Variants in TOP2B observed in about 807,000 individuals in gnomAD.
The protein encoded by TOP2B is DNA topoisomerase II beta.
A neutral mutation model predicts 193.5 loss-of-function variants in TOP2B; 51 were observed. That is an observed-to-expected ratio of 0.26 (90% CI 0.21 to 0.33). The LOEUF is 0.33. Among genes scored for constraint, TOP2B ranks in the 10% least tolerant of loss-of-function variants. The pLI, the probability that TOP2B is intolerant of heterozygous loss-of-function variation, is 1.00. For synonymous variants in TOP2B, 634 were observed against 635.7 expected (o/e 1.00, Z 0.04); for missense variants, 1,378 against 1,909.3 (o/e 0.72, Z 5.19).
intron 1 of TOP2B, among the ~76,000 whole-genome samples, chr3:25,661,360 C>T (rs1334686088): frequency 6.6e-6 from 1 of 152,108 alleles, no homozygotes; most frequent in Non-Finnish European, 1.5e-5. Context: ...ACTCTGGTTA[C>T]CACTTTTTGA....
In TOP2B at chr3:25,638,157, G is replaced by GA. The variant is rs770022279; in HGVS notation, c.541+7dup. 33 of 1,561,088 alleles carry GA rather than the reference G, an allele frequency of 2.1e-5. No individual in the cohort carries two copies. Among genetic ancestry groups the GA allele is most frequent in the Middle Eastern group, 3.3e-4 (2 of 6,008 alleles). On this transcript the variant is annotated splice_region_variant and intron_variant, in intron 5 of 35. Coordinates refer to ENST00000264331, the MANE Select transcript of TOP2B (RefSeq NM_001330700.2). ...TATTTTTCAACCAAAATTCCATTCAGACTTTACCTGTAACTTTTTTCTCAT... is the reference window on the plus strand; with the variant it reads ...TATTTTTCAACCAAAATTCCATTCAGAACTTTACCTGTAACTTTTTTCTCAT...
In TOP2B at chr3:25,598,250, G is replaced by T; in HGVS notation, c.*57C>A. The T allele has an allele frequency of 6.6e-7, 1 of 1,511,126 alleles. No individual in the cohort carries two copies. The highest frequency in any genetic ancestry group is 1.3e-5 in the South Asian group (1 of 75,798). The allele number at this position is 1,511,126 out of a possible 1,614,324, so 93.6% of individuals were successfully genotyped here. ...CAGATGTACAAAAGTCTGAGACAGAGAAGACAAAAGGACAACACAAGATAT... is the reference window on the plus strand; with the variant it reads ...CAGATGTACAAAAGTCTGAGACAGATAAGACAAAAGGACAACACAAGATAT... On this transcript the variant is annotated 3_prime_UTR_variant, in exon 36 of 36. Transcript: ENST00000264331.
intron 23 of TOP2B, 92 bp from the exon 24 acceptor site, chr3:25,618,941 A>ATATAACCATAATT: frequency 2.1e-6 from 2 of 972,506 alleles, no homozygotes; most frequent in Non-Finnish European, 2.9e-6. Flanking sequence ...TAACCATAAT[A>ATATAACCATAATT]TATAACCATA....
At chr3:25,637,132 T>C (rs1703126574) in intron 6 of TOP2B, 83 bp downstream of exon 6, 7 of 1,059,190 alleles carry the variant, frequency 6.6e-6, no homozygotes, top group South Asian at 2.9e-5. Context: ...CAGGCATCAC[T>C]GCAATTTACC....
chr3:25,618,257 T>C (rs1702563740), intron 25 of TOP2B, 161 bp downstream of exon 25: 1 of 603,564 alleles, frequency 1.7e-6, no homozygotes, highest in Non-Finnish European at 2.9e-6. Flanking sequence ...TAAATTCCTG[T>C]ACTTTATCTG....
chr3:25,642,379 G>C lies in TOP2B; in HGVS notation c.338C>G (p.Ala113Gly). 6.5e-7 allele frequency: 1 copy of C among 1,543,908 alleles called. No homozygotes were observed. Among genetic ancestry groups the C allele is most frequent in the South Asian group, 1.2e-5 (1 of 83,202 alleles). The change falls in exon 4 of 36, where the codon GCT (alanine) becomes GGT (glycine). Residue 113 changes from alanine to glycine, a missense_variant. Around this residue, in one of 9 missense-constraint regions of TOP2B, gnomAD observed 35 missense variants for 85.8 expected, o/e 0.41. Transcript: ENST00000264331. ...YKIFDEILVN[A>G]ADNKQRDKNM... ...CTTATCCCTCTGTTTATTGTCAGCA[G>C]CATTAACTACAAAATTAAACACCTC...
At chr3:25,642,965 C>A (rs1035591173) in intron 3 of TOP2B, among the ~76,000 whole-genome samples, 2 of 152,108 alleles carry the variant, frequency 1.3e-5, no homozygotes, top group African/African-American at 2.4e-5. Context: ...ATGCTCCTGA[C>A]AAACACTTGC....
In TOP2B at chr3:25,642,335, C is replaced by T; in HGVS notation, c.382G>A (p.Val128Ile). Reference protein sequence around the residue: ...QRDKNMTCIKVSIDPESNIIS... With the variant: ...QRDKNMTCIKISIDPESNIIS... ...AAATATACTTACGGATCAATAGAAA[C>T]TTTAATACAAGTCATGTTCTTATCC... Residue 128 changes from valine to isoleucine, a missense_variant, in exon 4 of 36, where the codon GTT becomes ATT. Coordinates refer to ENST00000264331, the MANE Select transcript of TOP2B (RefSeq NM_001330700.2). 1 of 1,544,634 alleles carries T rather than the reference C, an allele frequency of 6.5e-7. No homozygotes were observed. Among genetic ancestry groups the T allele is most frequent in the South Asian group, 1.2e-5 (1 of 83,428 alleles).
intron 31 of TOP2B, among the ~76,000 whole-genome samples, chr3:25,606,626 G>C (rs1005109312): frequency 6.6e-6 from 1 of 152,040 alleles, no homozygotes; most frequent in African/African-American, 2.4e-5. Flanking sequence ...AATTGTAATA[G>C]GTGAGAAAAT....
intron 1 of TOP2B, among the ~76,000 whole-genome samples, chr3:25,654,659 C>G (rs1312867514): frequency 6.6e-6 from 1 of 152,080 alleles, no homozygotes; most frequent in Admixed American, 6.5e-5. Context: ...AGCTAAAGGC[C>G]TCACACCTCC....
chr3:25,602,555 G>C (rs1256110209), intron 33 of TOP2B, among the ~76,000 whole-genome samples: 3 of 150,294 alleles, frequency 2.0e-5, no homozygotes, highest in Admixed American at 6.6e-5. Context: ...GTCGCAATTT[G>C]AGACACTACA....
chr3:25,612,492 C>T, intron 28 of TOP2B, 23 bp downstream of exon 28: 1 of 1,547,290 alleles, frequency 6.5e-7, no homozygotes, highest in Non-Finnish European at 8.8e-7. Context: ...ATGAGTCTAT[C>T]AATGACAAGA....
At chr3:25,613,455 G>C (rs1251954535) in intron 27 of TOP2B, among the ~76,000 whole-genome samples, 2 of 152,172 alleles carry the variant, frequency 1.3e-5, no homozygotes, top group Non-Finnish European at 2.9e-5. Context: ...ACAGAGGCCA[G>C]TTGCAGTGGC....
Position 25,607,134 on chromosome 3 carries a change from A to G in TOP2B, c.4298+37T>C, listed in dbSNP as rs763421503. ...AATATCTTTGGCAAATGTTTACAAC[A>G]ATTAACTATACCACATCACTAAATA... is the stretch of plus-strand genomic sequence containing the variant. On this transcript the variant is annotated intron_variant, in intron 31 of 35. Coordinates refer to ENST00000264331, the MANE Select transcript of TOP2B (RefSeq NM_001330700.2). 5 of 1,602,132 alleles carry G rather than the reference A, an allele frequency of 3.1e-6. No individual in the cohort carries two copies. The East Asian group carries it at 1.1e-4, about 36-fold the overall frequency.
At chr3:25,633,792 G>GAA in intron 8 of TOP2B, 49 bp downstream of exon 8, 2 of 1,429,996 alleles carry the variant, frequency 1.4e-6, no homozygotes, top group Non-Finnish European at 1.9e-6. Context: ...AGTTTTTATT[G>GAA]AAGTACTGTT....
intron 33 of TOP2B, among the ~76,000 whole-genome samples, chr3:25,603,389 T>C (rs6786520): frequency 0.34 from 50,957 of 151,720 alleles, 9,183 homozygotes; most frequent in African/African-American, 0.47. Flanking sequence ...CAGGCATGCA[T>C]ACGCCACCAC....
At position 25,664,401 on chromosome 3, in the gene TOP2B, C is replaced by T; in HGVS notation, c.-104G>A. 5 of 1,311,956 alleles carry T rather than the reference C, an allele frequency of 3.8e-6. No homozygotes were observed. The highest frequency in any genetic ancestry group is 4.8e-6 in the Non-Finnish European group (5 of 1,038,896). 81.3% of individuals were successfully genotyped at this position (1,311,956 alleles called of 1,614,324 possible). ...TCCGCACCCACCGCTCCACTCGCCGCACTCCTAGCCGCGCCGACCCCCGCG... is the reference window on the plus strand; with the variant it reads ...TCCGCACCCACCGCTCCACTCGCCGTACTCCTAGCCGCGCCGACCCCCGCG... On this transcript the variant is annotated 5_prime_UTR_variant, in exon 1 of 36. Coordinates refer to ENST00000264331, the MANE Select transcript of TOP2B (RefSeq NM_001330700.2).
At chr3:25,636,214 A>C in intron 6 of TOP2B, 66 bp from the exon 7 acceptor site, 3 of 982,128 alleles carry the variant, frequency 3.1e-6, no homozygotes, top group Non-Finnish European at 4.4e-6. Context: ...TAAAGACTAC[A>C]CTCATTAAAT....
intron 20 of TOP2B, 82 bp from the exon 21 acceptor site, chr3:25,623,828 C>T (rs1427935925): frequency 3.7e-6 from 3 of 819,570 alleles, no homozygotes; most frequent in South Asian, 1.8e-5. Context: ...AAACTTCACA[C>T]TGCAAAAACA....
Sources: allele counts gnomAD v4.1 joint callset (sites outside exome capture counted in the v4.1 genomes callset), GRCh38; gene constraint gnomAD v4.1.1; regional missense constraint gnomAD v4.1.1; transcripts MANE v1.5; gene names NCBI Gene and HGNC (gene_info 2026-07-23, HGNC 2026-07-21).